The following CCSER2 variants were observed in gnomAD, a reference collection of about 807,000 sequenced individuals.
The protein encoded by CCSER2 is coiled-coil serine rich protein 2.
A neutral mutation model predicts 92.3 loss-of-function variants in CCSER2; 46 were observed. That is an observed-to-expected ratio of 0.50 (90% CI 0.39 to 0.64). The LOEUF is 0.64. Ranked by LOEUF, CCSER2 falls within the 30% of genes least tolerant of loss-of-function variation. The probability of loss-of-function intolerance (pLI) is 0.00; values close to 1 mark genes in which losing one functional copy is unlikely to be tolerated. For missense variants in CCSER2, 1,244 were observed against 1,238.9 expected (o/e 1.00, Z -0.06); for synonymous variants, 433 against 431.4 (o/e 1.00, Z -0.04).
intron 3 of CCSER2, among the ~76,000 whole-genome samples, chr10:84,411,734 T>C (rs576364094): frequency 2.0e-5 from 3 of 152,328 alleles, no homozygotes; most frequent in East Asian, 3.9e-4. Flanking sequence ...TTTCTAGATA[T>C]AGAATTATCT....
intron 5 of CCSER2, among the ~76,000 whole-genome samples, chr10:84,434,313 T>G (rs927316529): frequency 6.6e-6 from 1 of 152,180 alleles, no homozygotes; most frequent in African/African-American, 2.4e-5. Context: ...TATCTTTCTG[T>G]CCCGTGTTCC....
chr10:84,372,620 T>A, intron 2 of CCSER2, 151 bp downstream of exon 2: 1 of 567,338 alleles, frequency 1.8e-6, no homozygotes. Context: ...ACGTTTATTT[T>A]CCTGTGACTT....
At chr10:84,430,219 C>T (rs1843689130) in intron 5 of CCSER2, among the ~76,000 whole-genome samples, 1 of 152,084 alleles carries the variant, frequency 6.6e-6, no homozygotes, top group African/African-American at 2.4e-5. Flanking sequence ...GCCTTCACTT[C>T]CTGCTTGTTT....
chr10:84,455,924 A>G (rs977724860), intron 6 of CCSER2: 2 of 682,018 alleles, frequency 2.9e-6, no homozygotes, highest in Admixed American at 1.8e-5. Flanking sequence ...TTTCTGTTGC[A>G]TCTTGTTCTG....
intron 3 of CCSER2, among the ~76,000 whole-genome samples, chr10:84,381,932 AAAAAAG>A (rs1041100916): frequency 4.6e-5 from 7 of 151,548 alleles, no homozygotes; most frequent in African/African-American, 1.7e-4. Flanking sequence ...AAAAAAAAAA[AAAAAAG>A]AACATCCGTC....
intron 1 of CCSER2, among the ~76,000 whole-genome samples, chr10:84,338,307 A>G (rs7092474): frequency 1.7e-4 from 1 of 5,896 alleles, no homozygotes; most frequent in Admixed American, 5.3e-4. Flanking sequence ...AAAAAAAAAC[A>G]AAAAAAAACC....
chr10:84,436,451 C>G (rs1312488770), intron 5 of CCSER2, among the ~76,000 whole-genome samples: 1 of 148,856 alleles, frequency 6.7e-6, no homozygotes, highest in Non-Finnish European at 1.5e-5. Flanking sequence ...CTGGCTAACA[C>G]GGTAAAACCC....
Position 84,360,524 on chromosome 10 carries a change from G to C in CCSER2, c.-39-10490G>C, listed in dbSNP as rs190064388. Among the ~76,000 whole-genome samples, 410 of 152,264 alleles carry C rather than the reference G, an allele frequency of 2.7e-3. 3 individuals are homozygous for C. Among genetic ancestry groups the C allele is most frequent in the African/African-American group, 9.1e-3 (377 of 41,540 alleles). On this transcript the variant is annotated intron_variant, in intron 1 of 9. Transcript: ENST00000372088. ...TTTTTTAAGAGAAGCTTTAAAAAAT[G>C]AAGTATAACTTACATACAATAAAAT...
intron 4 of CCSER2, among the ~76,000 whole-genome samples, chr10:84,421,221 CAAAT>C (rs1324820795): frequency 6.6e-6 from 1 of 152,130 alleles, no homozygotes; most frequent in African/African-American, 2.4e-5. Flanking sequence ...GAATGTTGGT[CAAAT>C]GTTTTCTGGA....
chr10:84,363,147 A>AT (rs1182773588), intron 1 of CCSER2, among the ~76,000 whole-genome samples: 6,719 of 84,298 alleles, frequency 0.08, 1,554 homozygotes, highest in African/African-American at 0.34. Flanking sequence ...ACACCCAGCT[A>AT]TTTTTTTTTT....
At chr10:84,467,650 C>T (rs1046664054) in intron 7 of CCSER2, among the ~76,000 whole-genome samples, 1 of 152,194 alleles carries the variant, frequency 6.6e-6, no homozygotes, top group Admixed American at 6.5e-5. Context: ...CTCCCCCCTA[C>T]TGCCCACCCA....
At chr10:84,383,761 G>A (rs1275042729) in intron 3 of CCSER2, among the ~76,000 whole-genome samples, 3 of 152,076 alleles carry the variant, frequency 2.0e-5, no homozygotes, top group Non-Finnish European at 4.4e-5. Flanking sequence ...TATTGTTGTT[G>A]CTTTAAATCT....
intron 3 of CCSER2, 162 bp downstream of exon 3, chr10:84,373,977 GAAAT>G (rs1846201129): frequency 2.2e-6 from 3 of 1,385,878 alleles, no homozygotes; most frequent in African/African-American, 1.5e-5. Context: ...ACTCTAATAT[GAAAT>G]AAAGCATGGA....
intron 6 of CCSER2, chr10:84,452,432 C>T (rs1214671952): frequency 6.6e-6 from 1 of 152,148 alleles, no homozygotes; most frequent in Non-Finnish European, 1.5e-5. Flanking sequence ...TGACAATAGT[C>T]CTCTAATGCT....
At chr10:84,476,155 G>T (rs1173018716) in intron 8 of CCSER2, among the ~76,000 whole-genome samples, 1 of 152,104 alleles carries the variant, frequency 6.6e-6, no homozygotes, top group African/African-American at 2.4e-5. Flanking sequence ...TTTTGTTTCA[G>T]TGACTGTCTC....
intron 6 of CCSER2, among the ~76,000 whole-genome samples, chr10:84,443,309 AC>A (rs1370917688): frequency 1.3e-5 from 2 of 152,194 alleles, no homozygotes; most frequent in South Asian, 2.1e-4. Context: ...AAGAAAAAAA[AC>A]AACCCCATCA....
intron 5 of CCSER2, among the ~76,000 whole-genome samples, chr10:84,430,971 A>AT (rs201628478): frequency 0.02 from 2,992 of 152,180 alleles, 45 homozygotes; most frequent in South Asian, 0.069. Flanking sequence ...AATAGATTTT[A>AT]TTTTTTAGAG....
chr10:84,348,427 C>CAGAGGGAGACCGTGGAAAGAGAGGG (rs1418601977), intron 1 of CCSER2, among the ~76,000 whole-genome samples: 7 of 151,908 alleles, frequency 4.6e-5, no homozygotes, highest in South Asian at 2.1e-4. Context: ...GGCTCGGCAT[C>CAGAGGGAGACCGTGGAAAGAGAGGG]AGAGGGAGAC....
At chr10:84,405,609 A>G (rs571606136) in intron 3 of CCSER2, among the ~76,000 whole-genome samples, 2 of 152,334 alleles carry the variant, frequency 1.3e-5, no homozygotes, top group East Asian at 1.9e-4. Flanking sequence ...AAAGTCAGCA[A>G]TAAGTAAGTA....
Sources: allele counts gnomAD v4.1 joint callset (sites outside exome capture counted in the v4.1 genomes callset), GRCh38; gene constraint gnomAD v4.1.1; transcripts MANE v1.5; gene names NCBI Gene and HGNC (gene_info 2026-07-23, HGNC 2026-07-21).